RNLS: variants seen among roughly 807,000 people sequenced by gnomAD.
RNLS encodes renalase, FAD dependent amine oxidase.
Under a neutral mutation model 39.8 loss-of-function variants are expected in RNLS, and 39 were observed. The ratio of observed to expected loss-of-function variants is 0.98; its 90% CI spans 0.76 to 1.28. RNLS has a LOEUF of 1.28. Ranked by LOEUF, RNLS falls within the 50% of genes most tolerant of loss-of-function variation. RNLS has a pLI of 0.00. For missense variants in RNLS, 410 were observed against 413.3 expected, an observed-to-expected ratio of 0.99 and a Z score of 0.07; for synonymous variants, 147 against 150.7, an observed-to-expected ratio of 0.98 and a Z score of 0.18.
At chr10:88,515,283 T>A (rs2134171659) in intron 4 of RNLS, among the ~76,000 whole-genome samples, 1 of 152,226 alleles carries the variant, frequency 6.6e-6, no homozygotes, top group East Asian at 1.9e-4. Context: ...TGGTACCAAA[T>A]GCTGATTCAG....
chr10:88,404,429 C>T (rs920199804), intron 4 of RNLS, among the ~76,000 whole-genome samples: 1 of 151,980 alleles, frequency 6.6e-6, no homozygotes, highest in Admixed American at 6.6e-5. Context: ...AGGTGTTTTT[C>T]TTTCCCCCAG....
the RNLS span, among the ~76,000 whole-genome samples, chr10:88,224,037 GAA>G: frequency 2.1e-3 from 277 of 130,996 alleles, 4 homozygotes; most frequent in African/African-American, 5.9e-3. Context: ...TGAGCACTCA[GAA>G]AAAAAAAAAA....
In RNLS at chr10:88,573,581, C is replaced by T. The variant is rs563801033; in HGVS notation, c.368-520G>A. Reference sequence around the variant, plus strand: ...CATTAAAGGACCTGAAAAAGGTTCTCTGTAAGGGAAATGCAAGTTCTCATC... The same window carrying T: ...CATTAAAGGACCTGAAAAAGGTTCTTTGTAAGGGAAATGCAAGTTCTCATC... On this transcript the variant is annotated intron_variant, in intron 3 of 6. Coordinates refer to ENST00000331772, the MANE Select transcript of RNLS (RefSeq NM_001031709.3). 3.3e-5 allele frequency among the ~76,000 whole-genome samples: 5 copies of T among 152,246 alleles called. No homozygotes were observed. The South Asian group carries it at 1.0e-3, about 32-fold the overall frequency.
intron 4 of RNLS, among the ~76,000 whole-genome samples, chr10:88,483,019 C>G (rs1844288770): frequency 6.6e-6 from 1 of 151,710 alleles, no homozygotes; most frequent in African/African-American, 2.4e-5. Context: ...CTTGCTATAT[C>G]TTTTTAAAAT....
intron 5 of RNLS, chr10:88,343,434 G>C (rs1269290056): frequency 2.5e-5 from 16 of 649,102 alleles, no homozygotes; most frequent in Non-Finnish European, 2.1e-5. Flanking sequence ...TGGGAAAGAT[G>C]GGGGAGGAAA....
intron 4 of RNLS, among the ~76,000 whole-genome samples, chr10:88,514,180 G>A (rs990919076): frequency 1.3e-5 from 2 of 151,704 alleles, no homozygotes; most frequent in Non-Finnish European, 2.9e-5. Context: ...GAGGCCTCAG[G>A]AAACTTACAA....
intron 5 of RNLS, among the ~76,000 whole-genome samples, chr10:88,356,154 C>A (rs1383638811): frequency 6.6e-6 from 1 of 152,214 alleles, no homozygotes; most frequent in Non-Finnish European, 1.5e-5. Context: ...TTCCCTACCC[C>A]TTGCGCTTCC....
chr10:88,523,412 T>C (rs185230941), intron 4 of RNLS, among the ~76,000 whole-genome samples: 13 of 152,284 alleles, frequency 8.5e-5, no homozygotes, highest in East Asian at 7.7e-4. Context: ...TTACATACTT[T>C]CTGAAAGGAA....
At chr10:88,291,537 A>C (rs1367016641) in intron 6 of RNLS, among the ~76,000 whole-genome samples, 1 of 152,200 alleles carries the variant, frequency 6.6e-6, no homozygotes, top group African/African-American at 2.4e-5. Context: ...CATTCTTTCC[A>C]GGAAGCCCAA....
chr10:88,248,773 A>T, the RNLS span, among the ~76,000 whole-genome samples: 1 of 152,006 alleles, frequency 6.6e-6, no homozygotes, highest in African/African-American at 2.4e-5. Flanking sequence ...GGCCCAGGTA[A>T]CTCCCAACAT....
At chr10:88,194,147 G>C in the RNLS span, among the ~76,000 whole-genome samples, 1 of 152,188 alleles carries the variant, frequency 6.6e-6, no homozygotes, top group East Asian at 1.9e-4. Context: ...GAACAGCTGG[G>C]CCTAAAGCAG....
Position 88,526,510 on chromosome 10 carries a change from C to G in RNLS, c.526+46393G>C, listed in dbSNP as rs1245251500. Among the ~76,000 whole-genome samples the G allele has an allele frequency of 2.0e-5, 3 of 151,996 alleles. No homozygotes were observed. In the East Asian group the frequency reaches 5.8e-4, roughly 29 times the overall value. ...AGGCACGCTAGCTCAGGTCTGTAAT[C>G]CCAACACTTTGGGAGGCTGAGGTGG... On this transcript the variant is annotated intron_variant, in intron 4 of 6. Coordinates refer to ENST00000331772, the MANE Select transcript of RNLS (RefSeq NM_001031709.3).
At chr10:88,405,652 G>T (rs1853217564) in intron 4 of RNLS, among the ~76,000 whole-genome samples, 1 of 151,978 alleles carries the variant, frequency 6.6e-6, no homozygotes, top group Admixed American at 6.6e-5. Flanking sequence ...TATCCATTCT[G>T]CAGTTCTGTA....
At chr10:88,548,266 A>G (rs867412007) in intron 4 of RNLS, among the ~76,000 whole-genome samples, 3 of 41,126 alleles carry the variant, frequency 7.3e-5, no homozygotes, top group African/African-American at 2.7e-4. Context: ...CGTCTCAAAA[A>G]AAAAAAAAAA....
At chr10:88,225,199 G>A in the RNLS span, among the ~76,000 whole-genome samples, 6 of 152,138 alleles carry the variant, frequency 3.9e-5, no homozygotes, top group East Asian at 3.8e-4. Context: ...ACCTCTTCAC[G>A]AGTGTACACA....
intron 5 of RNLS, chr10:88,343,923 T>A: frequency 1.8e-6 from 1 of 554,956 alleles, no homozygotes; most frequent in Non-Finnish European, 2.3e-6. Flanking sequence ...GAGTTCTCCT[T>A]CCACAATGCC....
In RNLS at chr10:88,504,844, A is replaced by AGAGT. The variant is rs1554911577; in HGVS notation, c.526+68058_526+68059insACTC. On this transcript the variant is annotated intron_variant, in intron 4 of 6. Transcript: ENST00000331772. ...GAGCAAATTAGAGAGAGAGAGACAG[A>AGAGT]GTGTGTGTGTGTGTGTGTGTGTGTG... 2.5e-4 allele frequency among the ~76,000 whole-genome samples: 34 copies of AGAGT among 136,250 alleles called. No individual in the cohort carries two copies. In the East Asian group the frequency reaches 2.9e-3, roughly 12 times the overall value. The allele number at this position is 136,250 out of a possible 152,430, so 89.4% of individuals were successfully genotyped here.
chr10:88,530,944 G>A (rs1847386915), intron 4 of RNLS, among the ~76,000 whole-genome samples: 1 of 152,058 alleles, frequency 6.6e-6, no homozygotes, highest in Non-Finnish European at 1.5e-5. Flanking sequence ...GAAGCCTGAT[G>A]AGATAACATA....
intron 4 of RNLS, among the ~76,000 whole-genome samples, chr10:88,434,880 A>G (rs528327363): frequency 6.6e-6 from 1 of 152,218 alleles, no homozygotes; most frequent in South Asian, 2.1e-4. Context: ...TCCTTGAGTG[A>G]TAGAAAAGGT....
Sources: gnomAD v4.1 joint callset for allele counts (sites outside exome capture counted in the v4.1 genomes callset) on GRCh38, gnomAD v4.1.1 for gene constraint, MANE v1.5 for transcripts, NCBI Gene and HGNC (gene_info 2026-07-23, HGNC 2026-07-21) for gene names.